Variants in ACTR1A observed in about 807,000 individuals in gnomAD.
ACTR1A encodes the protein alpha-centractin.
Under a neutral mutation model 50.7 loss-of-function variants are expected in ACTR1A, and 10 were observed. That is an observed-to-expected ratio of 0.20 (90% CI 0.12 to 0.33). The LOEUF is 0.33. Among genes scored for constraint, ACTR1A ranks in the 10% least tolerant of loss-of-function variants. The pLI is 1.00. For synonymous variants in ACTR1A, 177 were observed against 184.2 expected, an observed-to-expected ratio of 0.96 and a Z score of 0.32; for missense variants, 253 against 491.7, an observed-to-expected ratio of 0.51 and a Z score of 4.59.
At chr10:102,484,483 C>A in intron 5 of ACTR1A, 107 bp from the exon 6 acceptor site, 1 of 986,740 alleles carries the variant, frequency 1.0e-6, no homozygotes, top group Non-Finnish European at 1.5e-6. Flanking sequence ...CTTGGGCCTG[C>A]CTCTCTCCAG....
chr10:102,484,425 G>C (rs1262802958), intron 5 of ACTR1A, 49 bp from the exon 6 acceptor site: 2 of 1,469,826 alleles, frequency 1.4e-6, no homozygotes, highest in Admixed American at 3.5e-5. Context: ...CTCACGCTGG[G>C]AAGAAATACA....
In ACTR1A at chr10:102,479,533, C is replaced by A; in HGVS notation, c.*1330G>T. On this transcript the variant is annotated 3_prime_UTR_variant, in exon 11 of 11. Transcript: ENST00000369905. The surrounding 1 kb of genome is among the most constrained non-coding windows in gnomAD (Gnocchi z 4.0). ...AGACAGGCTGGCCCCAGCTTTGCAC[C>A]ATCTAGGCTGAAGGCCTTTGGACCA... The A allele has an allele frequency of 9.2e-7, 1 of 1,091,072 alleles. No homozygotes were observed. Among genetic ancestry groups the A allele is most frequent in the Non-Finnish European group, 1.2e-6 (1 of 818,630 alleles). 67.6% of individuals were successfully genotyped at this position (1,091,072 alleles called of 1,614,324 possible). A position where few individuals can be genotyped will look rare whatever the true frequency, so the allele number is the denominator to read the frequency against.
chr10:102,496,771 G>T (rs539903504), intron 1 of ACTR1A, among the ~76,000 whole-genome samples: 2 of 152,250 alleles, frequency 1.3e-5, no homozygotes, highest in South Asian at 4.1e-4. Context: ...AATTGTAAAA[G>T]AAAAATTTTT....
At chr10:102,486,193 G>A (rs771629380) in intron 4 of ACTR1A, among the ~76,000 whole-genome samples, 3 of 152,176 alleles carry the variant, frequency 2.0e-5, no homozygotes, top group Non-Finnish European at 4.4e-5. Context: ...TCTCATAGGA[G>A]TGTGAACCCT....
At chr10:102,487,074 G>A (rs1181467559) in intron 4 of ACTR1A, among the ~76,000 whole-genome samples, 2 of 151,884 alleles carry the variant, frequency 1.3e-5, no homozygotes, top group Admixed American at 1.3e-4. Flanking sequence ...GACCCACAGT[G>A]ACCAGCCTCC....
intron 4 of ACTR1A, 125 bp from the exon 5 acceptor site, chr10:102,485,858 A>T: frequency 7.3e-7 from 1 of 1,377,066 alleles, no homozygotes; most frequent in South Asian, 1.3e-5. Context: ...TCACTCCAAA[A>T]AAAGGCAAGC....
intron 5 of ACTR1A, among the ~76,000 whole-genome samples, chr10:102,485,356 T>C (rs2062162042): frequency 6.6e-6 from 1 of 152,238 alleles, no homozygotes; most frequent in Non-Finnish European, 1.5e-5. Flanking sequence ...AGCCAAGGCC[T>C]TGGGGACCAA....
intron 4 of ACTR1A, 129 bp from the exon 5 acceptor site, chr10:102,485,862 G>C: frequency 7.6e-7 from 1 of 1,321,096 alleles, no homozygotes; most frequent in South Asian, 1.4e-5. Flanking sequence ...TCCAAAAAAA[G>C]GCAAGCTGTG....
intron 4 of ACTR1A, among the ~76,000 whole-genome samples, chr10:102,487,732 C>T (rs561941910): frequency 3.3e-5 from 5 of 151,266 alleles, no homozygotes; most frequent in East Asian, 3.9e-4. Context: ...CCCGGGTTCA[C>T]GCCATTCTCC....
intron 1 of ACTR1A, among the ~76,000 whole-genome samples, chr10:102,497,278 G>A (rs1197579905): frequency 6.6e-6 from 1 of 152,088 alleles, no homozygotes; most frequent in Non-Finnish European, 1.5e-5. Context: ...GTGAACGTAT[G>A]GATGTTCCTT....
chr10:102,495,971 A>C (rs889061322), intron 1 of ACTR1A, among the ~76,000 whole-genome samples: 6 of 150,562 alleles, frequency 4.0e-5, no homozygotes, highest in Non-Finnish European at 7.4e-5. Flanking sequence ...TTTGAGACGC[A>C]GTCTCGCTCT....
chr10:102,488,060 G>A lies in ACTR1A; in HGVS notation c.315+90C>T. On this transcript the variant is annotated intron_variant, in intron 4 of 10. Transcript: ENST00000369905. This position sits in a 1 kb window ranked among gnomAD's most constrained non-coding sequence, Gnocchi z 4.4. ...TCAAATGGCTCCAGCACTCTTGGCA[G>A]TGATCATCGTCCTCCTCATCATCTC... is the stretch of plus-strand genomic sequence containing the variant. 1 of 1,482,092 alleles carries A rather than the reference G, an allele frequency of 6.7e-7. No homozygotes were observed. The highest frequency in any genetic ancestry group is 9.3e-7 in the Non-Finnish European group (1 of 1,079,174). 91.8% of individuals were successfully genotyped at this position (1,482,092 alleles called of 1,614,324 possible). A position where few individuals can be genotyped will look rare whatever the true frequency, so the allele number is the denominator to read the frequency against.
In ACTR1A at chr10:102,488,348, G is replaced by A; in HGVS notation, c.190-73C>T. The stretch of plus-strand genomic sequence containing the variant: ...GACCCTGTTCTCCCAAGACTAAGCA[G>A]TGCAAGCTGAATCCCTTGCAAAGAA... On this transcript the variant is annotated intron_variant, in intron 3 of 10. Coordinates refer to ENST00000369905, the MANE Select transcript of ACTR1A (RefSeq NM_005736.4). The surrounding 1 kb of genome is among the most constrained non-coding windows in gnomAD (Gnocchi z 4.4). The A allele has an allele frequency of 1.9e-6, 3 of 1,578,818 alleles. No individual in the cohort carries two copies. Among genetic ancestry groups the A allele is most frequent in the Non-Finnish European group, 2.6e-6 (3 of 1,151,878 alleles).
intron 1 of ACTR1A, among the ~76,000 whole-genome samples, chr10:102,496,913 T>C (rs2062224984): frequency 6.6e-6 from 1 of 152,200 alleles, no homozygotes; most frequent in Admixed American, 6.5e-5. Context: ...GCGTGGTGGC[T>C]CACGCCTATA....
rs1441117182 is a variant in ACTR1A at position 102,481,182 on chromosome 10, T to G, written c.988-10A>C. ...CCTGAGGTGCAGATATCTGCAAAGG[T>G]GGGGGAAAGAGGAATCTGAGACTTC... On this transcript the variant is annotated splice_polypyrimidine_tract_variant and intron_variant, in intron 9 of 10. Coordinates refer to ENST00000369905, the MANE Select transcript of ACTR1A (RefSeq NM_005736.4). The G allele has an allele frequency of 3.2e-6, 5 of 1,580,958 alleles. No homozygotes were observed. Among genetic ancestry groups the G allele is most frequent in the Non-Finnish European group, 2.6e-6 (3 of 1,164,330 alleles).
chr10:102,496,219 A>C (rs919380154), intron 1 of ACTR1A, among the ~76,000 whole-genome samples: 8 of 152,244 alleles, frequency 5.3e-5, no homozygotes, highest in African/African-American at 1.9e-4. Flanking sequence ...AATATCTGGC[A>C]ACACTAGGCC....
In ACTR1A at chr10:102,482,385, C is replaced by CTATATT; in HGVS notation, c.751-211_751-210insAATATA. The CTATATT allele has an allele frequency of 8.5e-6, 5 of 588,734 alleles. No individual in the cohort carries two copies. The South Asian group carries it at 1.0e-4, about 12-fold the overall frequency. The allele number at this position is 588,734 out of a possible 1,614,324, so 36.5% of individuals were successfully genotyped here. On this transcript the variant is annotated intron_variant, in intron 7 of 10. Transcript: ENST00000369905. The surrounding 1 kb of genome is among the most constrained non-coding windows in gnomAD (Gnocchi z 5.6). The stretch of plus-strand genomic sequence containing the variant: ...GGGAGGCTCCTATATTTCCTTCTCG[C>CTATATT]TCTGGCATTTTCCAGCCAAGAGGTC...
At position 102,479,387 on chromosome 10, in the gene ACTR1A, T is replaced by C; in HGVS notation, c.*1476A>G. 5.4e-6 allele frequency: 2 copies of C among 369,486 alleles called. No individual in the cohort carries two copies. The highest frequency in any genetic ancestry group is 2.0e-5 in the South Asian group (1 of 49,048). The allele number at this position is 369,486 out of a possible 1,614,324, so 22.9% of individuals were successfully genotyped here. On this transcript the variant is annotated 3_prime_UTR_variant, in exon 11 of 11. Coordinates refer to ENST00000369905, the MANE Select transcript of ACTR1A (RefSeq NM_005736.4). This position sits in a 1 kb window ranked among gnomAD's most constrained non-coding sequence, Gnocchi z 4.0. ...CGGGGCGCTACGTTGCTTTCACACA[T>C]ACCTGCTGCTGTGGCCCACACCTGG...
At position 102,479,996 on chromosome 10, in the gene ACTR1A, G is replaced by A; in HGVS notation, c.*867C>T. On this transcript the variant is annotated 3_prime_UTR_variant, in exon 11 of 11. Coordinates refer to ENST00000369905, the MANE Select transcript of ACTR1A (RefSeq NM_005736.4). This position sits in a 1 kb window ranked among gnomAD's most constrained non-coding sequence, Gnocchi z 4.0. ...AGCTGGGAGAGGTGGGGCCCTGGAG[G>A]CTAAGCTTAGGTGCTGTAAACATTA... The A allele has an allele frequency of 4.4e-6, 1 of 227,826 alleles. No homozygotes were observed. Among genetic ancestry groups the A allele is most frequent in the Non-Finnish European group, 9.1e-6 (1 of 109,572 alleles). The allele number at this position is 227,826 out of a possible 1,614,324, so 14.1% of individuals were successfully genotyped here. A position where few individuals can be genotyped will look rare whatever the true frequency, so the allele number is the denominator to read the frequency against.
Sources: gnomAD v4.1 joint callset for allele counts (sites outside exome capture counted in the v4.1 genomes callset) on GRCh38, gnomAD v4.1.1 for gene constraint, Gnocchi (gnomAD v3.1) non-coding constraint, MANE v1.5 for transcripts, NCBI Gene and HGNC (gene_info 2026-07-23, HGNC 2026-07-21) for gene names.